Variants in KLF8 observed in about 807,000 individuals in gnomAD.
The protein encoded by KLF8 is Krueppel-like factor 8.
KLF8 carries 10 observed loss-of-function variants against 18.2 expected under a neutral mutation model. The observed-to-expected ratio is 0.55, with a 90% confidence interval of 0.34 to 0.93. The LOEUF (loss-of-function observed/expected upper bound fraction) is 0.93, where lower values mean the gene tolerates loss of function less well. Among genes scored for constraint, KLF8 ranks in the 40% least tolerant of loss-of-function variants. The pLI, the probability that KLF8 is intolerant of heterozygous loss-of-function variation, is 0.02. For missense variants in KLF8, 264 were observed against 277.9 expected, an observed-to-expected ratio of 0.95 and a Z score of 0.36; for synonymous variants, 109 against 97.3, an observed-to-expected ratio of 1.12 and a Z score of -0.71.
At chrX:56,173,776 G>C in the KLF8 span, among the ~76,000 whole-genome samples, 1 of 111,350 alleles carries the variant, frequency 9.0e-6, no homozygotes, top group South Asian at 3.7e-4. Flanking sequence ...TTATTTCATT[G>C]AGCAGTGGTT....
the KLF8 span, among the ~76,000 whole-genome samples, chrX:56,178,859 C>T: frequency 8.9e-6 from 1 of 112,105 alleles, no homozygotes; most frequent in African/African-American, 3.2e-5. Context: ...GTTTTGGTAC[C>T]AGTACCATGC....
At chrX:56,233,422 C>G in intron 1 of KLF8, 81 bp downstream of exon 1, 2 of 740,742 alleles carry the variant, frequency 2.7e-6, no homozygotes, top group Non-Finnish European at 4.2e-6. Flanking sequence ...CCCCTGCTCC[C>G]CCCACACACC....
chrX:56,066,623 G>A, the KLF8 span, among the ~76,000 whole-genome samples: 1 of 111,625 alleles, frequency 9.0e-6, no homozygotes, highest in African/African-American at 3.3e-5. Context: ...GGGGTAGCAG[G>A]CTCACTGTTA....
the KLF8 span, among the ~76,000 whole-genome samples, chrX:56,209,029 A>G: frequency 8.9e-6 from 1 of 111,900 alleles, no homozygotes; most frequent in Non-Finnish European, 1.9e-5. Context: ...TTTTCCGTCT[A>G]GAAGATCTGG....
chrX:56,168,688 T>C, the KLF8 span, among the ~76,000 whole-genome samples: 1 of 98,295 alleles, frequency 1.0e-5, no homozygotes, highest in Non-Finnish European at 2.0e-5. Context: ...TGATGTTCCC[T>C]GTCTTGTGTC....
the KLF8 span, among the ~76,000 whole-genome samples, chrX:56,043,886 G>A: frequency 8.9e-6 from 1 of 112,204 alleles, no homozygotes; most frequent in South Asian, 3.7e-4. Flanking sequence ...GAGGCACTCT[G>A]GTTTTTGAGT....
the KLF8 span, among the ~76,000 whole-genome samples, chrX:55,990,821 G>T: frequency 8.9e-6 from 1 of 111,915 alleles, no homozygotes; most frequent in Non-Finnish European, 1.9e-5. Flanking sequence ...AGCGGATACT[G>T]GTGAGCAGCA....
At chrX:56,033,296 A>T in the KLF8 span, among the ~76,000 whole-genome samples, 1 of 111,557 alleles carries the variant, frequency 9.0e-6, no homozygotes, top group Non-Finnish European at 1.9e-5. Flanking sequence ...TGGCTGGCAT[A>T]TTTCACTTAG....
At chrX:55,956,754 T>G in the KLF8 span, among the ~76,000 whole-genome samples, 1 of 112,102 alleles carries the variant, frequency 8.9e-6, no homozygotes, top group Non-Finnish European at 1.9e-5. Context: ...TATTTCACAT[T>G]TTGTTGCTGA....
intron 3 of KLF8, 190 bp from the exon 4 acceptor site, chrX:56,269,188 T>A: frequency 9.7e-7 from 1 of 1,026,448 alleles, no homozygotes; most frequent in Non-Finnish European, 1.2e-6. Flanking sequence ...TGTTCCCTGC[T>A]ATGCAAAAAA....
chrX:56,226,487 T>C, the KLF8 span, among the ~76,000 whole-genome samples: 3 of 111,865 alleles, frequency 2.7e-5, no homozygotes, highest in African/African-American at 9.8e-5. Flanking sequence ...TATTAGAAAA[T>C]ATTTATCTAT....
chrX:56,061,156 C>T, the KLF8 span, among the ~76,000 whole-genome samples: 16 of 111,586 alleles, frequency 1.4e-4, no homozygotes, highest in African/African-American at 4.9e-4. Context: ...TTTTGTGTCT[C>T]TATCTCCTTC....
intron 1 of KLF8, 79 bp from the exon 2 acceptor site, chrX:56,250,152 A>C: frequency 1.5e-6 from 1 of 680,077 alleles, no homozygotes; most frequent in South Asian, 2.5e-5. Flanking sequence ...TAGAACACAC[A>C]TAACATTAAT....
the KLF8 span, among the ~76,000 whole-genome samples, chrX:56,149,001 G>A: frequency 8.9e-6 from 1 of 111,967 alleles, no homozygotes; most frequent in African/African-American, 3.2e-5. Context: ...CCCATATAAA[G>A]GGTTTTCATT....
chrX:56,086,734 A>T, the KLF8 span, among the ~76,000 whole-genome samples: 1 of 111,376 alleles, frequency 9.0e-6, no homozygotes, highest in Non-Finnish European at 1.9e-5. Flanking sequence ...GTGATTAGTC[A>T]GTCTAAAACC....
At chrX:56,053,661 T>C in the KLF8 span, among the ~76,000 whole-genome samples, 10,091 of 109,053 alleles carry the variant, frequency 0.093, 1,196 homozygotes, top group African/African-American at 0.32. Context: ...TGGTAGGCTA[T>C]TTATTAGTGA....
chrX:56,190,771 A>G, the KLF8 span, among the ~76,000 whole-genome samples: 65 of 111,689 alleles, frequency 5.8e-4, no homozygotes, highest in African/African-American at 2.1e-3. Flanking sequence ...ATTTCTTGAA[A>G]GAAGTGAATA....
the KLF8 span, among the ~76,000 whole-genome samples, chrX:56,090,374 A>C: frequency 8.9e-6 from 1 of 112,168 alleles, no homozygotes; most frequent in Non-Finnish European, 1.9e-5. Flanking sequence ...TTTTCATTAA[A>C]AAAAATTACA....
chrX:56,232,027 G>A (rs2066406695), upstream of KLF8, among the ~76,000 whole-genome samples: 1 of 111,255 alleles, frequency 9.0e-6, no homozygotes, highest in African/African-American at 3.3e-5. Context: ...TGGAGAGGTA[G>A]GAGGATAAAT....
Sources: gnomAD v4.1 joint callset for allele counts (sites outside exome capture counted in the v4.1 genomes callset) on GRCh38, gnomAD v4.1.1 for gene constraint, MANE v1.5 for transcripts, NCBI Gene and HGNC (gene_info 2026-07-23, HGNC 2026-07-21) for gene names.